Variants in TRPA1 observed in about 807,000 individuals in gnomAD.
TRPA1 encodes the protein transient receptor potential cation channel subfamily A member 1, also known as ankyrin-like with transmembrane domains 1.
A neutral mutation model predicts 131.3 loss-of-function variants in TRPA1; 129 were observed. The ratio of observed to expected loss-of-function variants is 0.98; its 90% CI spans 0.85 to 1.14. The LOEUF (loss-of-function observed/expected upper bound fraction) is 1.14, where lower values mean the gene tolerates loss of function less well. Ranked by LOEUF, TRPA1 falls within the 50% of genes most tolerant of loss-of-function variation. The pLI is 0.00. For synonymous variants in TRPA1, 441 were observed against 451.7 expected, an observed-to-expected ratio of 0.98 and a Z score of 0.30; for missense variants, 1,304 against 1,354.2, an observed-to-expected ratio of 0.96 and a Z score of 0.58.
Position 72,036,282 on chromosome 8 carries a change from T to C in TRPA1, c.2555+6A>G. 1 of 1,613,782 alleles carries C rather than the reference T, an allele frequency of 6.2e-7. No homozygotes were observed. Among genetic ancestry groups the C allele is most frequent in the South Asian group, 1.1e-5 (1 of 91,048 alleles). On this transcript the variant is annotated splice_donor_region_variant and intron_variant, in intron 21 of 26. Transcript: ENST00000262209. ...AGGATGTGGAAATAATTCAAGCTTGTTTTACCTTTGAAGATACAATAAGAA... is the reference window on the plus strand; with the variant it reads ...AGGATGTGGAAATAATTCAAGCTTGCTTTACCTTTGAAGATACAATAAGAA...
chr8:72,073,895 C>G (rs141264839), intron 1 of TRPA1, among the ~76,000 whole-genome samples: 12 of 152,264 alleles, frequency 7.9e-5, no homozygotes, highest in African/African-American at 2.9e-4. Context: ...TTAAGAAGGA[C>G]AAAAAATGTC....
chr8:72,044,663 T>C lies in TRPA1; in HGVS notation c.2061+1850A>G, dbSNP rs1812367259. Among the ~76,000 whole-genome samples the C allele has an allele frequency of 2.0e-5, 3 of 152,114 alleles. No individual in the cohort carries two copies. The South Asian group carries it at 6.2e-4, about 32-fold the overall frequency. ...GAAAATAGCCTCTCACTGGCTCCAG[T>C]TTGTCTTAATCTCAGTGTCTGATTT... On this transcript the variant is annotated intron_variant, in intron 17 of 26. Transcript: ENST00000262209.
intron 3 of TRPA1, among the ~76,000 whole-genome samples, chr8:72,066,193 A>C (rs1042567560): frequency 6.6e-5 from 10 of 152,230 alleles, no homozygotes; most frequent in African/African-American, 2.4e-4. Context: ...AAAATGATCA[A>C]GCAATTTTTC....
At position 72,047,143 on chromosome 8, in the gene TRPA1, C is replaced by G. The variant is rs1159426359; in HGVS notation, c.1965+5G>C. On this transcript the variant is annotated splice_donor_5th_base_variant and intron_variant, in intron 16 of 26. Transcript: ENST00000262209. ...TTTCAGATAATGATGATAAAATAAA[C>G]TTACATAATAGTCTCGGCAGGACTT... 1.9e-6 allele frequency: 3 copies of G among 1,595,436 alleles called. No homozygotes were observed. In the African/African-American group the frequency reaches 4.0e-5, roughly 21 times the overall value.
chr8:72,042,985 G>A (rs1009624385), intron 17 of TRPA1, among the ~76,000 whole-genome samples: 3 of 149,942 alleles, frequency 2.0e-5, no homozygotes, highest in African/African-American at 7.3e-5. Flanking sequence ...CATCTCTTGA[G>A]TAACAATGTG....
intron 17 of TRPA1, among the ~76,000 whole-genome samples, chr8:72,044,505 T>C (rs970821817): frequency 2.6e-5 from 4 of 151,968 alleles, no homozygotes; most frequent in African/African-American, 7.2e-5. Context: ...AACCTACCCC[T>C]TGAGGCATGC....
intron 25 of TRPA1, among the ~76,000 whole-genome samples, chr8:72,025,542 A>C (rs1253084059): frequency 6.6e-6 from 1 of 152,198 alleles, no homozygotes; most frequent in Non-Finnish European, 1.5e-5. Flanking sequence ...GTGTATGTGT[A>C]AATGTGTGTT....
At position 72,061,654 on chromosome 8, in the gene TRPA1, G is replaced by A. The variant is rs748980016; in HGVS notation, c.915C>T (p.Thr305=). 4.1e-5 allele frequency: 66 copies of A among 1,613,852 alleles called. No individual in the cohort carries two copies. The highest frequency in any genetic ancestry group is 6.7e-5 in the East Asian group (3 of 44,878). The change falls in exon 7 of 27, where the codon ACC becomes ACT. Residue 305 remains threonine, a synonymous_variant. Transcript: ENST00000262209. ...YSGSVDIVNT[T]DGCHETMLHR... ...GAAGCATGGTCTCATGACATCCATC[G>A]GTTGTGTTAACAATATCCACGCTAC...
chr8:72,044,003 A>G (rs910004316), intron 17 of TRPA1, among the ~76,000 whole-genome samples: 1 of 151,886 alleles, frequency 6.6e-6, no homozygotes, highest in Non-Finnish European at 1.5e-5. Context: ...CCAGTTTAAA[A>G]ACTACTACTG....
At chr8:72,086,352 T>C in the TRPA1 span, among the ~76,000 whole-genome samples, 3 of 152,218 alleles carry the variant, frequency 2.0e-5, no homozygotes, top group African/African-American at 7.2e-5. Flanking sequence ...CTCCCATCCA[T>C]AGTTATACAT....
At chr8:72,067,032 C>A (rs151295381) in intron 3 of TRPA1, among the ~76,000 whole-genome samples, 1 of 152,328 alleles carries the variant, frequency 6.6e-6, no homozygotes, top group African/African-American at 2.4e-5. Context: ...CCCTGATCCC[C>A]AGGCCAATGT....
At position 72,063,012 on chromosome 8, in the gene TRPA1, A is replaced by G. The variant is rs878934158; in HGVS notation, c.662-68T>C. The stretch of plus-strand genomic sequence containing the variant: ...AAATAATAGGGAGGTTTTTTGTTAA[A>G]AAATATGAACAAAGGTAAAAAAACA... On this transcript the variant is annotated intron_variant, in intron 5 of 26. Transcript: ENST00000262209. The G allele has an allele frequency of 2.1e-6, 3 of 1,438,100 alleles. No homozygotes were observed. The South Asian group carries it at 3.8e-5, about 18-fold the overall frequency. 89.1% of individuals were successfully genotyped at this position (1,438,100 alleles called of 1,614,324 possible).
At chr8:72,031,316 C>T (rs1811806138) in intron 23 of TRPA1, among the ~76,000 whole-genome samples, 1 of 152,166 alleles carries the variant, frequency 6.6e-6, no homozygotes, top group Admixed American at 6.5e-5. Flanking sequence ...CAGCATTTTA[C>T]ATCTGTAATC....
chr8:72,072,387 G>C (rs1390901782), intron 1 of TRPA1, among the ~76,000 whole-genome samples: 2 of 152,132 alleles, frequency 1.3e-5, no homozygotes, highest in African/African-American at 4.8e-5. Flanking sequence ...GCAAATGTCA[G>C]GTTGGAATAA....
chr8:72,052,616 C>G lies in TRPA1; in HGVS notation c.1794G>C (p.Thr598=). ...CAGTGTACCTTTTGCTCCTGATGAT[C>G]GTAAGAACAACCTCCTTCCTCTTAT... ...LHNKRKEVVL[T]IIRSKRWDEC... Residue 598 remains threonine, a synonymous_variant, in exon 14 of 27, where the codon ACG becomes ACC. Coordinates refer to ENST00000262209, the MANE Select transcript of TRPA1 (RefSeq NM_007332.3). The G allele has an allele frequency of 6.2e-7, 1 of 1,613,558 alleles. No individual in the cohort carries two copies.
chr8:72,072,222 A>G (rs1004117120), intron 1 of TRPA1, among the ~76,000 whole-genome samples: 6 of 152,188 alleles, frequency 3.9e-5, no homozygotes, highest in African/African-American at 1.4e-4. Flanking sequence ...ATGCCACATG[A>G]TAATATATGT....
intron 8 of TRPA1, among the ~76,000 whole-genome samples, chr8:72,059,180 T>G (rs1475212174): frequency 2.0e-5 from 3 of 152,240 alleles, no homozygotes; most frequent in Non-Finnish European, 4.4e-5. Flanking sequence ...CAAATTACGC[T>G]TTGACACTTC....
At chr8:72,087,679 A>G in the TRPA1 span, among the ~76,000 whole-genome samples, 1 of 151,198 alleles carries the variant, frequency 6.6e-6, no homozygotes, top group East Asian at 1.9e-4. Flanking sequence ...TTTTATTTCA[A>G]AGTCTCCAAT....
chr8:72,041,152 C>T (rs999192814), intron 17 of TRPA1: 7 of 152,014 alleles, frequency 4.6e-5, no homozygotes, highest in African/African-American at 1.7e-4. Context: ...AACGTCAACT[C>T]ACCAGGAAGA....
Sources: allele counts gnomAD v4.1 joint callset (sites outside exome capture counted in the v4.1 genomes callset), GRCh38; gene constraint gnomAD v4.1.1; transcripts MANE v1.5; gene names NCBI Gene and HGNC (gene_info 2026-07-23, HGNC 2026-07-21).